The following MCC variants were observed in gnomAD, a reference collection of about 807,000 sequenced individuals.
MCC encodes MCC regulator of Wnt signaling pathway.
MCC carries 90 observed loss-of-function variants against 116.2 expected under a neutral mutation model. The ratio of observed to expected loss-of-function variants is 0.77; its 90% CI spans 0.65 to 0.92. The LOEUF (loss-of-function observed/expected upper bound fraction) is 0.92, where lower values mean the gene tolerates loss of function less well. MCC is among the 40% of genes least tolerant of loss of function. MCC has a pLI of 0.00. For missense variants in MCC, 1,516 were observed against 1,312.2 expected, an observed-to-expected ratio of 1.16 and a Z score of -2.40; for synonymous variants, 578 against 510.5, an observed-to-expected ratio of 1.13 and a Z score of -1.78.
intron 17 of MCC, among the ~76,000 whole-genome samples, chr5:113,043,002 T>C (rs1451822944): frequency 6.6e-6 from 1 of 152,092 alleles, no homozygotes; most frequent in East Asian, 1.9e-4. Context: ...AAAGAAGGTA[T>C]GAAAAGTGGA....
At position 113,390,326 on chromosome 5, in the gene MCC, T is replaced by C. The variant is rs185288872; in HGVS notation, c.171-5114A>G. Among the ~76,000 whole-genome samples, 13 of 152,336 alleles carry C rather than the reference T, an allele frequency of 8.5e-5. No individual in the cohort carries two copies. In the East Asian group the frequency reaches 2.3e-3, roughly 27 times the overall value. The stretch of plus-strand genomic sequence containing the variant: ...TTTCATACTCATATTCATGCACATA[T>C]ATCTTATCTTCAGATGATATCATCA... On this transcript the variant is annotated intron_variant, in intron 1 of 18. Transcript: ENST00000408903.
chr5:113,435,692 C>T (rs1163330649), intron 1 of MCC: 1 of 152,446 alleles, frequency 6.6e-6, no homozygotes, highest in East Asian at 1.9e-4. Flanking sequence ...CATCTCTTCC[C>T]TTGTCTGAGC....
At chr5:113,106,717 A>C (rs957048868) in intron 6 of MCC, among the ~76,000 whole-genome samples, 16 of 152,084 alleles carry the variant, frequency 1.1e-4, no homozygotes, top group Non-Finnish European at 1.8e-4. Flanking sequence ...ACATGACCAC[A>C]ATCAGCTCAT....
intron 2 of MCC, among the ~76,000 whole-genome samples, chr5:113,384,731 A>G (rs1164824992): frequency 6.6e-6 from 1 of 152,238 alleles, no homozygotes; most frequent in East Asian, 1.9e-4. Context: ...TGAATGCATT[A>G]TTATACTTAG....
chr5:113,124,569 A>G (rs181544148), intron 5 of MCC, among the ~76,000 whole-genome samples: 238 of 152,352 alleles, frequency 1.6e-3, no homozygotes, highest in Middle Eastern at 6.8e-3. Flanking sequence ...TCGAAAACAT[A>G]TATTTCCTGC....
At chr5:113,289,885 C>T (rs780381517) in intron 3 of MCC, among the ~76,000 whole-genome samples, 3 of 152,170 alleles carry the variant, frequency 2.0e-5, no homozygotes, top group Non-Finnish European at 2.9e-5. Context: ...TACGCTTATG[C>T]TAATGCTATG....
intron 1 of MCC, among the ~76,000 whole-genome samples, chr5:113,414,358 G>T (rs564328644): frequency 6.6e-6 from 1 of 152,274 alleles, no homozygotes; most frequent in South Asian, 2.1e-4. Flanking sequence ...GTCTAACATT[G>T]ACAGTGGGGT....
At chr5:113,406,946 C>G (rs1223260589) in intron 1 of MCC, among the ~76,000 whole-genome samples, 1 of 152,066 alleles carries the variant, frequency 6.6e-6, no homozygotes, top group Non-Finnish European at 1.5e-5. Context: ...GGCTCAATAT[C>G]AATTGTAGCA....
intron 1 of MCC, among the ~76,000 whole-genome samples, chr5:113,487,478 A>T (rs768703638): frequency 1.3e-4 from 20 of 152,366 alleles, no homozygotes; most frequent in Non-Finnish European, 2.8e-4. Context: ...CCAAGCCGGG[A>T]GGCAGGAAGC....
At chr5:113,273,106 T>C (rs969970352) in intron 3 of MCC, among the ~76,000 whole-genome samples, 4 of 151,998 alleles carry the variant, frequency 2.6e-5, no homozygotes, top group Non-Finnish European at 4.4e-5. Flanking sequence ...GAAAGAAAAA[T>C]AAAAGAATAT....
chr5:113,295,124 A>AG (rs1766670743), intron 3 of MCC, among the ~76,000 whole-genome samples: 1 of 150,660 alleles, frequency 6.6e-6, no homozygotes, highest in African/African-American at 2.4e-5. Context: ...CGAGTCCAGG[A>AG]GGGGGAGTAG....
At chr5:113,109,732 A>C (rs1052416647) in intron 6 of MCC, among the ~76,000 whole-genome samples, 11 of 152,226 alleles carry the variant, frequency 7.2e-5, no homozygotes, top group Non-Finnish European at 1.5e-4. Context: ...AGAAAACGGT[A>C]ACCTTCAAGA....
chr5:113,287,520 T>G (rs1043282483), intron 3 of MCC, among the ~76,000 whole-genome samples: 2 of 151,950 alleles, frequency 1.3e-5, no homozygotes, highest in Middle Eastern at 3.2e-3. Flanking sequence ...AGAGACAGAG[T>G]TTCACCATCT....
chr5:113,309,220 G>A (rs755513069), intron 3 of MCC, among the ~76,000 whole-genome samples: 1 of 152,148 alleles, frequency 6.6e-6, no homozygotes, highest in Non-Finnish European at 1.5e-5. Flanking sequence ...AGCTTTAGAG[G>A]TACAAGTGAT....
intron 3 of MCC, among the ~76,000 whole-genome samples, chr5:113,233,123 T>C (rs371688375): frequency 3.9e-5 from 6 of 152,070 alleles, no homozygotes; most frequent in African/African-American, 1.2e-4. Flanking sequence ...AGGAAATGAG[T>C]GTTATAGGCC....
At chr5:113,424,834 G>A (rs761113921) in intron 1 of MCC, among the ~76,000 whole-genome samples, 36 of 151,524 alleles carry the variant, frequency 2.4e-4, no homozygotes, top group Non-Finnish European at 5.0e-4. Flanking sequence ...AAGTAAAATT[G>A]AGAAAATCTC....
intron 2 of MCC, among the ~76,000 whole-genome samples, chr5:113,373,100 A>C (rs2150389487): frequency 6.6e-6 from 1 of 151,752 alleles, no homozygotes; most frequent in Admixed American, 6.6e-5. Context: ...AATGGCGTGA[A>C]CCCGAGAGGC....
At chr5:113,181,074 A>C (rs1245298788) in intron 3 of MCC, among the ~76,000 whole-genome samples, 1 of 152,218 alleles carries the variant, frequency 6.6e-6, no homozygotes, top group Non-Finnish European at 1.5e-5. Context: ...ATTGAGACCA[A>C]CACATCTCTA....
At chr5:113,436,408 G>C (rs751946855) in intron 1 of MCC, 20 of 152,232 alleles carry the variant, frequency 1.3e-4, no homozygotes, top group Non-Finnish European at 2.1e-4. Flanking sequence ...AACTAGTTCA[G>C]GCCATGATAG....
Sources: gnomAD v4.1 joint callset for allele counts (sites outside exome capture counted in the v4.1 genomes callset) on GRCh38, gnomAD v4.1.1 for gene constraint, MANE v1.5 for transcripts, NCBI Gene and HGNC (gene_info 2026-07-23, HGNC 2026-07-21) for gene names.